The following NAV1 variants were observed in gnomAD, a reference collection of about 807,000 sequenced individuals.
The protein encoded by NAV1 is neuron navigator 1, also known as pore membrane and/or filament interacting like protein 3.
In NAV1, 18 loss-of-function variants were observed where a neutral mutation model predicts 175.2. That is an observed-to-expected ratio of 0.10 (90% CI 0.07 to 0.15). The LOEUF (loss-of-function observed/expected upper bound fraction) is 0.15. NAV1 is among the 10% of genes least tolerant of loss of function. The probability of loss-of-function intolerance (pLI) is 1.00; values close to 1 mark genes in which losing one functional copy is unlikely to be tolerated. For missense variants in NAV1, 1,731 were observed against 2,436.6 expected, an observed-to-expected ratio of 0.71 and a Z score of 6.10; for synonymous variants, 897 against 978.7, an observed-to-expected ratio of 0.92 and a Z score of 1.56.
intron 1 of NAV1, among the ~76,000 whole-genome samples, chr1:201,543,191 C>T (rs1371243881): frequency 6.6e-6 from 1 of 152,188 alleles, no homozygotes; most frequent in East Asian, 1.9e-4. Flanking sequence ...AGCAGACATC[C>T]TTCTCTTGTT....
chr1:201,751,083 AG>A (rs1674071410), intron 3 of NAV1, among the ~76,000 whole-genome samples: 1 of 152,222 alleles, frequency 6.6e-6, no homozygotes, highest in African/African-American at 2.4e-5. Flanking sequence ...GCCCAAGAAA[AG>A]CATGTTAATA....
chr1:201,776,814 G>A lies in NAV1; in HGVS notation c.1227-3607G>A, dbSNP rs79355685. On this transcript the variant is annotated intron_variant, in intron 3 of 29. Coordinates refer to ENST00000367296, the Ensembl canonical transcript of NAV1. ...TTGATAAAATTTCTCAAAACTGAAG[G>A]TAATGAGTGTGTAGATTCAAAGCAT... 4.7e-3 allele frequency among the ~76,000 whole-genome samples: 716 copies of A among 151,986 alleles called. 3 individuals are homozygous for A. The highest frequency in any genetic ancestry group is 0.016 in the African/African-American group (677 of 41,442).
At chr1:201,682,412 T>G (rs1477819223) in intron 1 of NAV1, among the ~76,000 whole-genome samples, 3 of 152,172 alleles carry the variant, frequency 2.0e-5, no homozygotes. Flanking sequence ...TGGCTGAAAC[T>G]ATTTTAGCTT....
rs541197214 is a variant in NAV1, at chr1:201,815,011, G to A, written c.5340+1753G>A. On this transcript the variant is annotated intron_variant, in intron 28 of 29. Transcript: ENST00000367296. ...CCGAGATCACCGCCACTGCACTCCA[G>A]CCTGGGTGACAGAGGGAGACTCTGT... Among the ~76,000 whole-genome samples, 198 of 143,706 alleles carry A rather than the reference G, an allele frequency of 1.4e-3. 1 individual carries two copies. Among genetic ancestry groups the A allele is most frequent in the African/African-American group, 4.9e-3 (189 of 38,792 alleles). 94.3% of individuals were successfully genotyped at this position (143,706 alleles called of 152,430 possible). A position where few individuals can be genotyped will look rare whatever the true frequency, so the allele number is the denominator to read the frequency against.
rs1238014578 is a variant in NAV1 at position 201,807,442 on chromosome 1, T to C, written c.3649-511T>C. ...AGCCCTAGTCAGAGGCATCATGAGG[T>C]GGCCTCTGAGGCCCACAGTGAGCCA... is the stretch of plus-strand genomic sequence containing the variant. On this transcript the variant is annotated intron_variant, in intron 17 of 29. Coordinates refer to ENST00000367296, the Ensembl canonical transcript of NAV1. This position sits in a 1 kb window ranked among gnomAD's most constrained non-coding sequence, Gnocchi z 5.4. Among the ~76,000 whole-genome samples, 1 of 152,144 alleles carries C rather than the reference T, an allele frequency of 6.6e-6. No individual in the cohort carries two copies. Among genetic ancestry groups the C allele is most frequent in the East Asian group, 1.9e-4 (1 of 5,172 alleles).
chr1:201,819,454 ATT>A (rs11390244), intron 29 of NAV1, among the ~76,000 whole-genome samples: 29 of 132,542 alleles, frequency 2.2e-4, no homozygotes, highest in Admixed American at 3.0e-4. Context: ...CATGATCTAG[ATT>A]TTTTTTTTTT....
rs1219654686 is a variant in NAV1, at chr1:201,694,722, G to A, written c.758-18095G>A. ...TCTGTCGGTTGCTTATTCATTGAAA[G>A]TCAGGGATGGGCGAGATGCAGTCTC... On this transcript the variant is annotated intron_variant, in intron 1 of 29. Coordinates refer to ENST00000367296, the Ensembl canonical transcript of NAV1. This position sits in a 1 kb window ranked among gnomAD's most constrained non-coding sequence, Gnocchi z 4.2. 6.6e-6 allele frequency among the ~76,000 whole-genome samples: 1 copy of A among 152,214 alleles called. No individual in the cohort carries two copies. The highest frequency in any genetic ancestry group is 1.9e-4 in the East Asian group (1 of 5,188).
intron 1 of NAV1, among the ~76,000 whole-genome samples, chr1:201,664,317 A>C (rs967668068): frequency 6.6e-6 from 1 of 152,198 alleles, no homozygotes; most frequent in African/African-American, 2.4e-5. Context: ...ACTCCAGCCC[A>C]GGGACAGAGC....
At position 201,812,693 on chromosome 1, in the gene NAV1, G is replaced by A. The variant is rs957178654; in HGVS notation, c.5221+32G>A. Reference sequence around the variant, plus strand: ...GGGTCCAGCTTCCCCCGGGGGTCAGGAGGTGGCTTCCCTTTTCCACTGTAC... The same window carrying A: ...GGGTCCAGCTTCCCCCGGGGGTCAGAAGGTGGCTTCCCTTTTCCACTGTAC... On this transcript the variant is annotated intron_variant, in intron 27 of 29. Transcript: ENST00000367296. This position sits in a 1 kb window ranked among gnomAD's most constrained non-coding sequence, Gnocchi z 4.6. 7.5e-6 allele frequency: 12 copies of A among 1,598,624 alleles called. No homozygotes were observed. The highest frequency in any genetic ancestry group is 2.2e-5 in the East Asian group (1 of 44,726).
intron 2 of NAV1, among the ~76,000 whole-genome samples, chr1:201,716,481 A>G (rs528954200): frequency 3.9e-4 from 59 of 152,330 alleles, no homozygotes; most frequent in South Asian, 2.9e-3. Context: ...TTCGGGGCAC[A>G]TCGGTTTCTG....
chr1:201,779,616 A>AAAAAAAAAAAAAAAAAAAAAAAAAAAC (rs1676186963), intron 3 of NAV1, among the ~76,000 whole-genome samples: 1 of 150,870 alleles, frequency 6.6e-6, no homozygotes, highest in African/African-American at 2.4e-5. Flanking sequence ...AAAAAAAAAA[A>AAAAAAAAAAAAAAAAAAAAAAAAAAAC]AAAAAGAACA....
intron 2 of NAV1, among the ~76,000 whole-genome samples, chr1:201,589,052 C>T (rs1277753282): frequency 6.6e-6 from 1 of 151,764 alleles, no homozygotes; most frequent in Non-Finnish European, 1.5e-5. Context: ...TTCATCATAT[C>T]GGTCAGGCTG....
At chr1:201,746,345 CTG>C (rs950490205) in intron 3 of NAV1, among the ~76,000 whole-genome samples, 15 of 152,144 alleles carry the variant, frequency 9.9e-5, no homozygotes, top group African/African-American at 3.6e-4. Flanking sequence ...CATATTTATG[CTG>C]TGTCATGTCA....
At chr1:201,804,033 T>G (rs1374896246) in intron 16 of NAV1, 1 of 507,988 alleles carries the variant, frequency 2.0e-6, no homozygotes, top group Admixed American at 2.3e-5. Context: ...ATCAGTTCTG[T>G]CCCCACCACC....
chr1:201,738,734 C>T (rs542725256), intron 3 of NAV1, among the ~76,000 whole-genome samples: 8 of 152,294 alleles, frequency 5.3e-5, no homozygotes, highest in African/African-American at 1.9e-4. Flanking sequence ...ATGTGTGGCT[C>T]AGTCACATCA....
At chr1:201,614,524 G>A (rs1056843104) in intron 2 of NAV1, among the ~76,000 whole-genome samples, 2 of 152,250 alleles carry the variant, frequency 1.3e-5, no homozygotes, top group Non-Finnish European at 1.5e-5. Flanking sequence ...CATCCTGGGA[G>A]ATCAGAGGGA....
chr1:201,777,676 T>C (rs1676048155), intron 3 of NAV1, among the ~76,000 whole-genome samples: 1 of 151,792 alleles, frequency 6.6e-6, no homozygotes, highest in African/African-American at 2.4e-5. Context: ...GAGGGCTGGG[T>C]GCGGTGGCTC....
chr1:201,695,350 A>G (rs1031328670), intron 1 of NAV1, among the ~76,000 whole-genome samples: 2 of 152,114 alleles, frequency 1.3e-5, no homozygotes, highest in African/African-American at 4.8e-5. Context: ...TTCAAGCTGA[A>G]CTTTATTCAG....
intron 1 of NAV1, among the ~76,000 whole-genome samples, chr1:201,678,329 C>G (rs1348876504): frequency 6.6e-6 from 1 of 152,172 alleles, no homozygotes; most frequent in African/African-American, 2.4e-5. Flanking sequence ...TGATAGCGCT[C>G]CAATGGCTGG....
Sources: gnomAD v4.1 joint callset for allele counts (sites outside exome capture counted in the v4.1 genomes callset) on GRCh38, gnomAD v4.1.1 for gene constraint, Gnocchi (gnomAD v3.1) non-coding constraint, MANE v1.5 for transcripts, NCBI Gene and HGNC (gene_info 2026-07-23, HGNC 2026-07-21) for gene names.